Variants in HSD17B2 observed in about 807,000 individuals in gnomAD.
The protein encoded by HSD17B2 is 17-beta-hydroxysteroid dehydrogenase type 2.
Under a neutral mutation model 26.9 loss-of-function variants are expected in HSD17B2, and 32 were observed. The observed-to-expected ratio is 1.19, with a 90% CI of 0.90 to 1.60. HSD17B2 has a LOEUF of 1.60. Ranked by LOEUF, HSD17B2 falls within the 40% of genes most tolerant of loss-of-function variation. HSD17B2 has a pLI of 0.00. For missense variants in HSD17B2, 613 were observed against 468.6 expected, an observed-to-expected ratio of 1.31 and a Z score of -2.85; for synonymous variants, 246 against 186.7, an observed-to-expected ratio of 1.32 and a Z score of -2.59.
rs564600356 is a variant in HSD17B2 at position 82,075,218 on chromosome 16, T to A, written c.664+4091T>A. ...AAGTAGTACTAAGAGGGAAGCTGGC[T>A]ACCGGCTATAAGTGCCTACATTAAA... On this transcript the variant is annotated intron_variant, in intron 3 of 4. Coordinates refer to ENST00000199936, the MANE Select transcript of HSD17B2 (RefSeq NM_002153.3). Among the ~76,000 whole-genome samples the A allele has an allele frequency of 2.6e-5, 4 of 152,252 alleles. No homozygotes were observed. In the South Asian group the frequency reaches 8.3e-4, roughly 32 times the overall value.
Position 82,045,562 on chromosome 16 carries a change from G to A in HSD17B2, c.265+9873G>A, listed in dbSNP as rs1453262863. Among the ~76,000 whole-genome samples the A allele has an allele frequency of 3.3e-5, 5 of 152,326 alleles. No homozygotes were observed. In the East Asian group the frequency reaches 9.6e-4, roughly 29 times the overall value. On this transcript the variant is annotated intron_variant, in intron 1 of 4. Transcript: ENST00000199936. Reference sequence around the variant, plus strand: ...CCAGTTCAGTAATCCCCTTGGCAAAGGAGACAAAAGGAATATAGGCGATGA... The same window carrying A: ...CCAGTTCAGTAATCCCCTTGGCAAAAGAGACAAAAGGAATATAGGCGATGA...
rs547474930 is a variant in HSD17B2 at position 82,039,705 on chromosome 16, C to T, written c.265+4016C>T. ...CCCTCTAAGCTTGGCAGGAGATGCA[C>T]AGGTAACTTTAAGTTTCTATCCTCT... On this transcript the variant is annotated intron_variant, in intron 1 of 4. Coordinates refer to ENST00000199936, the MANE Select transcript of HSD17B2 (RefSeq NM_002153.3). Among the ~76,000 whole-genome samples, 17 of 152,252 alleles carry T rather than the reference C, an allele frequency of 1.1e-4. 2 individuals are homozygous for T. The South Asian group carries it at 1.9e-3, about 17-fold the overall frequency.
chr16:82,040,287 T>C (rs990001362), intron 1 of HSD17B2, among the ~76,000 whole-genome samples: 23 of 152,246 alleles, frequency 1.5e-4, no homozygotes, highest in African/African-American at 5.5e-4. Flanking sequence ...TTGGACTCCT[T>C]TGGATTTCAC....
intron 1 of HSD17B2, chr16:82,052,190 TC>T (rs2143940535): frequency 6.6e-6 from 1 of 152,336 alleles, no homozygotes; most frequent in African/African-American, 2.4e-5. Flanking sequence ...CCCAGGTCCT[TC>T]CTTGGTGGGC....
Position 82,098,112 on chromosome 16 carries a change from G to C in HSD17B2, c.840G>C (p.Glu280Asp), listed in dbSNP as rs1904907792. 5 of 1,613,866 alleles carry C rather than the reference G, an allele frequency of 3.1e-6. No homozygotes were observed. The highest frequency in any genetic ancestry group is 4.2e-6 in the Non-Finnish European group (5 of 1,179,886). Residue 280 changes from glutamate to aspartate, a missense_variant, in exon 5 of 5, where the codon GAG becomes GAC. Glu to Asp is a conservative substitution (Grantham distance 45, BLOSUM62 2). Transcript: ENST00000199936. ...AGTSDKWEKL[E>D]KDILDHLPAE... ...CCAGTGACAAGTGGGAAAAGCTGGA[G>C]AAGGACATTCTGGACCACCTCCCCG...
In HSD17B2 at chr16:82,090,907, G is replaced by C; in HGVS notation, c.670G>C (p.Ala224Pro). The C allele has an allele frequency of 3.7e-6, 6 of 1,611,116 alleles. No individual in the cohort carries two copies. The East Asian group carries it at 1.3e-4, about 36-fold the overall frequency. ...TTCTCCCATTATTCCCATAGGAGGGGCCCCAATGGAAAGGCTGGCATCTTA... is the reference window on the plus strand; with the variant it reads ...TTCTCCCATTATTCCCATAGGAGGGCCCCCAATGGAAAGGCTGGCATCTTA... ...LVNVSSMGGG[A>P]PMERLASYGS... The change falls in exon 4 of 5, where the codon GCC becomes CCC. Residue 224 changes from alanine to proline, a missense_variant. By Grantham distance (27) the Ala-to-Pro change is conservative. Coordinates refer to ENST00000199936, the MANE Select transcript of HSD17B2 (RefSeq NM_002153.3).
intron 1 of HSD17B2, among the ~76,000 whole-genome samples, chr16:82,058,895 C>T (rs531657898): frequency 6.6e-6 from 1 of 152,214 alleles, no homozygotes; most frequent in East Asian, 1.9e-4. Context: ...GAACATGAAA[C>T]TGTGAGAAGG....
chr16:82,056,825 G>A (rs1351425775), intron 1 of HSD17B2, among the ~76,000 whole-genome samples: 1 of 152,188 alleles, frequency 6.6e-6, no homozygotes, highest in Non-Finnish European at 1.5e-5. Context: ...AAAAACAGGT[G>A]CCTTAGAATC....
chr16:82,049,758 T>G (rs938742071), intron 1 of HSD17B2, among the ~76,000 whole-genome samples: 3 of 152,244 alleles, frequency 2.0e-5, no homozygotes, highest in Non-Finnish European at 2.9e-5. Context: ...CAGATAGACT[T>G]CAGCCAACCA....
intron 1 of HSD17B2, among the ~76,000 whole-genome samples, chr16:82,059,454 G>T (rs1426251443): frequency 6.6e-6 from 1 of 152,236 alleles, no homozygotes; most frequent in Non-Finnish European, 1.5e-5. Context: ...AGAGATCTCA[G>T]AAACTGTTGC....
intron 3 of HSD17B2, among the ~76,000 whole-genome samples, chr16:82,074,192 T>C (rs139802414): frequency 6.6e-6 from 1 of 152,186 alleles, no homozygotes; most frequent in African/African-American, 2.4e-5. Context: ...TCTGCCCTAG[T>C]CTTTTGAGTT....
At chr16:82,097,945 TA>T in intron 4 of HSD17B2, 129 bp from the exon 5 acceptor site, 1 of 729,890 alleles carries the variant, frequency 1.4e-6, no homozygotes. Context: ...ATCCCAAAAA[TA>T]AAAAAATAAA....
intron 4 of HSD17B2, chr16:82,095,094 T>C (rs962204499): frequency 6.6e-6 from 1 of 152,094 alleles, no homozygotes; most frequent in African/African-American, 2.4e-5. Flanking sequence ...AGAGACAGCT[T>C]TGGGGACTCT....
intron 3 of HSD17B2, among the ~76,000 whole-genome samples, chr16:82,079,249 T>C (rs1404829814): frequency 1.3e-5 from 2 of 152,182 alleles, no homozygotes; most frequent in Non-Finnish European, 2.9e-5. Flanking sequence ...AGGGCTACCA[T>C]AAGAAAATAC....
At chr16:82,093,362 G>A (rs1904747113) in intron 4 of HSD17B2, 1 of 152,196 alleles carries the variant, frequency 6.6e-6, no homozygotes, top group Non-Finnish European at 1.5e-5. Flanking sequence ...GAATCAATAT[G>A]TATGTATCCT....
intron 1 of HSD17B2, chr16:82,044,530 T>G (rs182045229): frequency 2.0e-5 from 3 of 152,348 alleles, no homozygotes; most frequent in Non-Finnish European, 4.4e-5. Flanking sequence ...AGGGTCCACG[T>G]GAGGGTCTGG....
intron 3 of HSD17B2, among the ~76,000 whole-genome samples, chr16:82,072,850 G>C (rs1011356158): frequency 6.6e-6 from 1 of 152,186 alleles, no homozygotes; most frequent in African/African-American, 2.4e-5. Flanking sequence ...CAGCCCAGGA[G>C]TTTGATACCA....
At chr16:82,057,938 A>G (rs2143954390) in intron 1 of HSD17B2, among the ~76,000 whole-genome samples, 1 of 152,350 alleles carries the variant, frequency 6.6e-6, no homozygotes, top group East Asian at 1.9e-4. Flanking sequence ...TACAGCAGAA[A>G]AAGGACATTA....
chr16:82,080,846 G>T (rs1457651818), intron 3 of HSD17B2, among the ~76,000 whole-genome samples: 3 of 152,122 alleles, frequency 2.0e-5, no homozygotes, highest in African/African-American at 7.2e-5. Flanking sequence ...TTCCAAAAAG[G>T]CAGAGTCAAT....
Sources: gnomAD v4.1 joint callset for allele counts (sites outside exome capture counted in the v4.1 genomes callset) on GRCh38, gnomAD v4.1.1 for gene constraint, MANE v1.5 for transcripts, NCBI Gene and HGNC (gene_info 2026-07-23, HGNC 2026-07-21) for gene names.